The following PDE4D variants were observed in gnomAD, a reference collection of about 807,000 sequenced individuals.
PDE4D encodes phosphodiesterase 4D, also known as 3',5'-cyclic-AMP phosphodiesterase 4D.
Under a neutral mutation model 87.4 loss-of-function variants are expected in PDE4D, and 24 were observed. The observed-to-expected ratio is 0.27, with a 90% confidence interval of 0.20 to 0.39. The LOEUF (loss-of-function observed/expected upper bound fraction) is 0.39, where lower values mean the gene tolerates loss of function less well. Among genes scored for constraint, PDE4D ranks in the 10% least tolerant of loss-of-function variants. The probability of loss-of-function intolerance (pLI) is 1.00; values close to 1 mark genes in which losing one functional copy is unlikely to be tolerated. For synonymous variants in PDE4D, 384 were observed against 383.2 expected (o/e 1.00, Z -0.02); for missense variants, 714 against 1,041.0 (o/e 0.69, Z 4.32).
chr5:59,880,544 T>C (rs954572219), intron 1 of PDE4D, among the ~76,000 whole-genome samples: 3 of 152,250 alleles, frequency 2.0e-5, no homozygotes, highest in Non-Finnish European at 2.9e-5. Flanking sequence ...ACATTGAACA[T>C]GCTTGACAAA....
intron 5 of PDE4D, among the ~76,000 whole-genome samples, chr5:59,138,605 A>G (rs2153454306): frequency 1.3e-5 from 2 of 152,336 alleles, no homozygotes; most frequent in South Asian, 4.1e-4. Flanking sequence ...CAAGCCATCT[A>G]GTCTCTTGCC....
intron 2 of PDE4D, among the ~76,000 whole-genome samples, chr5:60,135,073 T>C (rs1779922171): frequency 6.6e-6 from 1 of 152,194 alleles, no homozygotes; most frequent in Admixed American, 6.5e-5. Flanking sequence ...CCCTTCAAAA[T>C]GTATATTCTA....
At chr5:59,542,219 A>G (rs1816477146) in intron 1 of PDE4D, among the ~76,000 whole-genome samples, 1 of 152,024 alleles carries the variant, frequency 6.6e-6, no homozygotes, top group Non-Finnish European at 1.5e-5. Flanking sequence ...TGTTGCTAAA[A>G]TCCTACTGAA....
intron 2 of PDE4D, among the ~76,000 whole-genome samples, chr5:59,998,389 C>T (rs1363978919): frequency 6.6e-6 from 1 of 151,990 alleles, no homozygotes; most frequent in Admixed American, 6.6e-5. Context: ...GTAAGTTTGT[C>T]CAGTTTTAAA....
At chr5:60,501,419 G>C (rs1371149873) in intron 1 of PDE4D, among the ~76,000 whole-genome samples, 1 of 151,778 alleles carries the variant, frequency 6.6e-6, no homozygotes, top group East Asian at 1.9e-4. Flanking sequence ...ATTTGGGTTG[G>C]TTCCAAGTCT....
At chr5:60,420,027 A>G (rs1742954202) in intron 1 of PDE4D, among the ~76,000 whole-genome samples, 1 of 152,196 alleles carries the variant, frequency 6.6e-6, no homozygotes, top group Non-Finnish European at 1.5e-5. Context: ...TGTGACTGAG[A>G]TCACCACCAT....
At chr5:60,055,112 C>T (rs1770633595) in intron 2 of PDE4D, among the ~76,000 whole-genome samples, 1 of 152,034 alleles carries the variant, frequency 6.6e-6, no homozygotes, top group Non-Finnish European at 1.5e-5. Context: ...TCAGCTTTCC[C>T]AGCAGCTAGG....
At chr5:59,591,649 C>T (rs887733167) in intron 1 of PDE4D, among the ~76,000 whole-genome samples, 4 of 152,096 alleles carry the variant, frequency 2.6e-5, no homozygotes, top group African/African-American at 9.7e-5. Flanking sequence ...TACCAATAAT[C>T]AGTTCAGATA....
chr5:60,322,369 C>T (rs1039033525), intron 1 of PDE4D, among the ~76,000 whole-genome samples: 18 of 38,346 alleles, frequency 4.7e-4, no homozygotes, highest in Non-Finnish European at 6.6e-4. Context: ...GACACACATA[C>T]ACACACACAC....
intron 5 of PDE4D, among the ~76,000 whole-genome samples, chr5:59,132,729 A>G (rs1776460356): frequency 6.6e-6 from 1 of 152,176 alleles, no homozygotes; most frequent in Non-Finnish European, 1.5e-5. Flanking sequence ...TAACATTTCC[A>G]CTTGATTGTG....
At chr5:59,544,506 T>C (rs746140179) in intron 1 of PDE4D, among the ~76,000 whole-genome samples, 4 of 152,226 alleles carry the variant, frequency 2.6e-5, no homozygotes, top group Non-Finnish European at 5.9e-5. Context: ...TTTAGCTATA[T>C]GAGACTGATG....
At chr5:60,332,315 G>A (rs1397068070) in intron 1 of PDE4D, among the ~76,000 whole-genome samples, 2 of 152,134 alleles carry the variant, frequency 1.3e-5, no homozygotes, top group Non-Finnish European at 1.5e-5. Flanking sequence ...AAAGGAAGTT[G>A]TTTAGCCCTT....
chr5:59,358,032 T>A (rs1481347818), intron 1 of PDE4D, among the ~76,000 whole-genome samples: 1 of 152,188 alleles, frequency 6.6e-6, no homozygotes, highest in African/African-American at 2.4e-5. Flanking sequence ...TATCTGCAAA[T>A]TTTGAGACCT....
At chr5:60,288,258 C>T (rs1248102792) in intron 1 of PDE4D, among the ~76,000 whole-genome samples, 1 of 152,176 alleles carries the variant, frequency 6.6e-6, no homozygotes, top group Non-Finnish European at 1.5e-5. Context: ...GATGATCTTA[C>T]ATCAAATACT....
At chr5:60,115,162 T>C (rs1334125886) in intron 2 of PDE4D, among the ~76,000 whole-genome samples, 2 of 152,144 alleles carry the variant, frequency 1.3e-5, no homozygotes, top group Non-Finnish European at 2.9e-5. Flanking sequence ...CTCCTATTCT[T>C]GTGTGGGGTA....
At chr5:58,983,916 T>A (rs79870502) in intron 11 of PDE4D, among the ~76,000 whole-genome samples, 4,219 of 152,304 alleles carry the variant, frequency 0.028, 188 homozygotes, top group African/African-American at 0.095. Context: ...CCACTAGGTA[T>A]TGTGCCTTTT....
chr5:59,242,089 T>C (rs1254086945), intron 1 of PDE4D, among the ~76,000 whole-genome samples: 2 of 152,136 alleles, frequency 1.3e-5, no homozygotes, highest in African/African-American at 4.8e-5. Context: ...TATGTCAATA[T>C]CCATTTTTAA....
At chr5:59,755,672 A>G (rs1761114857) in intron 1 of PDE4D, among the ~76,000 whole-genome samples, 1 of 152,060 alleles carries the variant, frequency 6.6e-6, no homozygotes, top group Admixed American at 6.6e-5. Flanking sequence ...CAATCACTCA[A>G]TAGAAGGTCA....
intron 9 of PDE4D, 23 bp from the exon 10 acceptor site, chr5:58,989,942 A>T (rs1196455625): frequency 7.0e-7 from 1 of 1,434,018 alleles, no homozygotes; most frequent in Admixed American, 1.9e-5. Flanking sequence ...AAATCATCTT[A>T]ACATTTTTGT....
Sources: gnomAD v4.1 joint callset for allele counts (sites outside exome capture counted in the v4.1 genomes callset) on GRCh38, gnomAD v4.1.1 for gene constraint, MANE v1.5 for transcripts, NCBI Gene and HGNC (gene_info 2026-07-23, HGNC 2026-07-21) for gene names.